LATS2: variants seen among roughly 807,000 people sequenced by gnomAD.
LATS2 encodes the protein serine/threonine-protein kinase LATS2.
LATS2 carries 24 observed loss-of-function variants against 76.0 expected under a neutral mutation model. That is an observed-to-expected ratio of 0.32 (90% CI 0.23 to 0.44). LATS2 has a LOEUF of 0.44. LATS2 is among the 20% of genes least tolerant of loss of function. The pLI is 1.00. For synonymous variants in LATS2, 692 were observed against 635.4 expected (o/e 1.09, Z -1.34); for missense variants, 1,286 against 1,481.2 (o/e 0.87, Z 2.16).
At chr13:20,976,442 A>G (rs1348152266) in intron 7 of LATS2, among the ~76,000 whole-genome samples, 1 of 152,256 alleles carries the variant, frequency 6.6e-6, no homozygotes, top group Non-Finnish European at 1.5e-5. Context: ...AAGAAAAAAT[A>G]AATTGGACTG....
rs150428840 is a variant in LATS2 at position 20,989,274 on chromosome 13, C to T, written c.506G>A (p.Arg169Gln). ...GKGLMPTPVTRRPSFEGTGDS... is the reference protein window; with the variant it reads ...GKGLMPTPVTQRPSFEGTGDS... ...GCCGGTTCCTTCGAAGCTGGGCCTCCGCGTCACTGGGGTTGGCATGAGCCC... is the reference window on the plus strand; with the variant it reads ...GCCGGTTCCTTCGAAGCTGGGCCTCTGCGTCACTGGGGTTGGCATGAGCCC... Residue 169 changes from arginine to glutamine, a missense_variant, in exon 4 of 8, where the codon CGG becomes CAG. By Grantham distance (43) the Arg-to-Gln change is conservative (BLOSUM62 1). Transcript: ENST00000382592. 1,136 of 1,613,864 alleles carry T rather than the reference C, an allele frequency of 7.0e-4. No homozygotes were observed. The highest frequency in any genetic ancestry group is 8.2e-4 in the Non-Finnish European group (970 of 1,180,038).
rs367587292 is a variant in LATS2 at position 20,987,751 on chromosome 13, G to T, written c.1899+130C>A. The T allele has an allele frequency of 2.1e-4, 219 of 1,057,016 alleles. No homozygotes were observed. In the African/African-American group the frequency reaches 2.9e-3, roughly 14 times the overall value. The allele number at this position is 1,057,016 out of a possible 1,614,324, so 65.5% of individuals were successfully genotyped here. Reference sequence around the variant, plus strand: ...CTCCAAGTTGTTGGCCCCAGAACCAGACTGTCGCCCATTAGCCGTTTTGAT... The same window carrying T: ...CTCCAAGTTGTTGGCCCCAGAACCATACTGTCGCCCATTAGCCGTTTTGAT... On this transcript the variant is annotated intron_variant, in intron 4 of 7. Transcript: ENST00000382592.
intron 2 of LATS2, among the ~76,000 whole-genome samples, chr13:20,998,350 GTCTCAAACAAACAAACAAA>G (rs1301266704): frequency 6.6e-6 from 1 of 151,496 alleles, no homozygotes; most frequent in Non-Finnish European, 1.5e-5. Flanking sequence ...AAGAGACCCT[GTCTCAAACAAACAAACAAA>G]AATTAATTAA....
intron 2 of LATS2, among the ~76,000 whole-genome samples, chr13:21,035,761 A>T (rs1297134980): frequency 6.6e-6 from 1 of 152,218 alleles, no homozygotes; most frequent in Non-Finnish European, 1.5e-5. Context: ...CAGTGGAGGG[A>T]CCCAGCTCCC....
chr13:20,984,737 A>G (rs1870066901), intron 4 of LATS2, among the ~76,000 whole-genome samples: 1 of 152,232 alleles, frequency 6.6e-6, no homozygotes, highest in African/African-American at 2.4e-5. Context: ...TATTGTTAAA[A>G]TGACCATACT....
intron 2 of LATS2, among the ~76,000 whole-genome samples, chr13:21,034,491 C>G (rs1872631904): frequency 2.0e-5 from 3 of 152,182 alleles, no homozygotes; most frequent in Admixed American, 6.5e-5. Flanking sequence ...TGGCTCAGAC[C>G]TGGAACACCA....
intron 2 of LATS2, among the ~76,000 whole-genome samples, chr13:20,998,810 G>T (rs1301968466): frequency 6.6e-6 from 1 of 151,986 alleles, no homozygotes; most frequent in African/African-American, 2.4e-5. Context: ...TTGTCCACAC[G>T]GGGCGGGGGC....
At chr13:20,976,934 A>G (rs1869650731) in intron 7 of LATS2, among the ~76,000 whole-genome samples, 1 of 152,224 alleles carries the variant, frequency 6.6e-6, no homozygotes, top group South Asian at 2.1e-4. Context: ...GTGGGATATA[A>G]ACCCACTTTC....
At chr13:20,993,782 G>A (rs748148536) in intron 2 of LATS2, among the ~76,000 whole-genome samples, 28 of 152,124 alleles carry the variant, frequency 1.8e-4, no homozygotes, top group Non-Finnish European at 3.4e-4. Context: ...GGAGCTATGC[G>A]ATGAGATCAC....
intron 2 of LATS2, among the ~76,000 whole-genome samples, chr13:21,009,791 G>A (rs1205589771): frequency 2.0e-5 from 3 of 152,198 alleles, no homozygotes. Flanking sequence ...GGTATGGGTG[G>A]AAAAAGAGGC....
chr13:21,038,052 G>A (rs1252101073), intron 2 of LATS2, among the ~76,000 whole-genome samples: 2 of 152,186 alleles, frequency 1.3e-5, no homozygotes, highest in Admixed American at 1.3e-4. Flanking sequence ...GCTGCAGTAA[G>A]CCATGATCAT....
chr13:21,006,507 A>G (rs1031840221), intron 2 of LATS2, among the ~76,000 whole-genome samples: 5 of 152,240 alleles, frequency 3.3e-5, no homozygotes, highest in African/African-American at 9.6e-5. Context: ...GCCAAAAAAT[A>G]AGCCAGATCA....
At chr13:20,980,691 G>A (rs1451923694) in intron 6 of LATS2, among the ~76,000 whole-genome samples, 1 of 152,204 alleles carries the variant, frequency 6.6e-6, no homozygotes, top group African/African-American at 2.4e-5. Flanking sequence ...ACCTCTCAAG[G>A]TCGTTATTGC....
chr13:21,028,857 C>T (rs1015801729), intron 2 of LATS2, among the ~76,000 whole-genome samples: 1 of 152,102 alleles, frequency 6.6e-6, no homozygotes, highest in African/African-American at 2.4e-5. Flanking sequence ...TGTGAGCCAC[C>T]GTACCCGGCC....
chr13:21,002,834 G>A (rs1027091764), intron 2 of LATS2, among the ~76,000 whole-genome samples: 1 of 152,012 alleles, frequency 6.6e-6, no homozygotes, highest in African/African-American at 2.4e-5. Context: ...GATTACAGGT[G>A]CAGGCAATCA....
intron 1 of LATS2, among the ~76,000 whole-genome samples, chr13:21,054,812 AC>A (rs1873399473): frequency 6.6e-6 from 1 of 152,126 alleles, no homozygotes; most frequent in Admixed American, 6.6e-5. Context: ...TGTCAAACAT[AC>A]AAAAAGGTTG....
At position 20,974,056 on chromosome 13, in the gene LATS2, A is replaced by G. The variant is rs75027638; in HGVS notation, c.*814T>C. The G allele has an allele frequency of 7.0e-3, 1,573 of 223,632 alleles. 20 individuals carry two copies. The highest frequency in any genetic ancestry group is 0.032 in the African/African-American group (1,419 of 44,158). 13.9% of individuals were successfully genotyped at this position (223,632 alleles called of 1,614,324 possible). ...CACATCTGCATTTCTTTAACAAAACAGTAAGAGATACAATCATAGCGAAGA... is the reference window on the plus strand; with the variant it reads ...CACATCTGCATTTCTTTAACAAAACGGTAAGAGATACAATCATAGCGAAGA... On this transcript the variant is annotated 3_prime_UTR_variant, in exon 8 of 8. Transcript: ENST00000382592.
In LATS2 at chr13:20,989,172, G is replaced by A. The variant is rs77919685; in HGVS notation, c.608C>T (p.Ala203Val). The A allele has an allele frequency of 0.018, 28,589 of 1,613,094 alleles. 346 individuals carry two copies. Among genetic ancestry groups the A allele is most frequent in the Middle Eastern group, 0.043 (261 of 6,060 alleles). ...GTACGGCCGCGGCATCTCCTCCAGC[G>A]CCGTGGGGCCGTCAGCGCCGAAGCT... ...GPSFGADGPT[A>V]LEEMPRPYVD... The change falls in exon 4 of 8, where the codon GCG (alanine) becomes GTG (valine). Residue 203 changes from alanine (A) to valine (V), a missense_variant. Physicochemically the swap from Ala to Val is moderately conservative, Grantham distance 64. This residue lies in a region of LATS2 where 710 missense variants were observed against 660.9 expected (regional missense o/e 1.07). Coordinates refer to ENST00000382592, the MANE Select transcript of LATS2 (RefSeq NM_014572.3).
At chr13:21,043,202 G>C (rs1037684700) in intron 2 of LATS2, among the ~76,000 whole-genome samples, 2 of 151,912 alleles carry the variant, frequency 1.3e-5, no homozygotes, top group Admixed American at 1.3e-4. Flanking sequence ...GCCAGGCGTG[G>C]TGTTGCGTGC....
Sources: gnomAD v4.1 joint callset for allele counts (sites outside exome capture counted in the v4.1 genomes callset) on GRCh38, gnomAD v4.1.1 for gene constraint, gnomAD v4.1.1 regional missense constraint, MANE v1.5 for transcripts, NCBI Gene and HGNC (gene_info 2026-07-23, HGNC 2026-07-21) for gene names.